MAP4K1: variants seen among roughly 807,000 people sequenced by gnomAD.
MAP4K1 encodes mitogen-activated protein kinase kinase kinase kinase 1, also known as MAPK/ERK kinase kinase kinase 1.
MAP4K1 carries 35 observed loss-of-function variants against 122.8 expected under a neutral mutation model. The ratio of observed to expected loss-of-function variants is 0.29; its 90% CI spans 0.22 to 0.38. The LOEUF (loss-of-function observed/expected upper bound fraction) is 0.38. MAP4K1 is among the 10% of genes least tolerant of loss of function. The pLI is 1.00. For missense variants in MAP4K1, 791 were observed against 1,072.6 expected (o/e 0.74, Z 3.67); for synonymous variants, 412 against 421.3 (o/e 0.98, Z 0.27).
At chr19:38,613,730 T>C in intron 8 of MAP4K1, 150 bp downstream of exon 8, 1 of 624,516 alleles carries the variant, frequency 1.6e-6, no homozygotes, top group East Asian at 2.8e-5. Context: ...AATGGAAAAC[T>C]CAAGCGACAC....
In MAP4K1 at chr19:38,605,693, C is replaced by T. The variant is rs1975307954; in HGVS notation, c.1238G>A (p.Ser413Asn). The T allele has an allele frequency of 1.9e-6, 3 of 1,607,280 alleles. No homozygotes were observed. The highest frequency in any genetic ancestry group is 1.1e-5 in the South Asian group (1 of 90,524). The change falls in exon 18 of 31, where the codon AGC becomes AAC. Residue 413 changes from serine to asparagine, a missense_variant. Ser to Asn is a conservative substitution (Grantham distance 46). Transcript: ENST00000396857. Reference protein sequence around the residue: ...FRSPSDEGPGSMGDDGQLSPG... With the variant: ...FRSPSDEGPGNMGDDGQLSPG... ...GCTCAGCTGCCCATCATCCCCCATG[C>T]TCCCAGGACCCTCGTCTGATGGAGA...
At chr19:38,616,289 TAGCA>T in intron 3 of MAP4K1, 30 bp from the exon 4 acceptor site, 1 of 1,546,042 alleles carries the variant, frequency 6.5e-7, no homozygotes, top group Non-Finnish European at 8.9e-7. Context: ...AGAATAATAA[TAGCA>T]GTAAATACAT....
intron 20 of MAP4K1, among the ~76,000 whole-genome samples, chr19:38,601,054 C>T (rs974871688): frequency 1.3e-5 from 2 of 152,124 alleles, no homozygotes; most frequent in Non-Finnish European, 2.9e-5. Context: ...GATCCGCCCG[C>T]CTCCGCCTCC....
At position 38,605,472 on chromosome 19, in the gene MAP4K1, T is replaced by G. The variant is rs771972479; in HGVS notation, c.1383A>C (p.Pro461=). 20 of 1,593,054 alleles carry G rather than the reference T, an allele frequency of 1.3e-5. No individual in the cohort carries two copies. Among genetic ancestry groups the G allele is most frequent in the Non-Finnish European group, 1.6e-5 (19 of 1,171,758 alleles). ...TAHSEPSLWN[P]PSRELDKPPL... ...GGGGCTTGTCAAGCTCCCGGGAGGG[T>G]GGGTTCCAGAGTGAGGGTTCTGAGA... is the stretch of plus-strand genomic sequence containing the variant. The change falls in exon 19 of 31, where the codon CCA becomes CCC. Residue 461 remains proline (P), a synonymous_variant. Coordinates refer to ENST00000396857, the MANE Select transcript of MAP4K1 (RefSeq NM_001042600.3).
intron 12 of MAP4K1, 106 bp downstream of exon 12, chr19:38,609,802 TC>T: frequency 1.5e-6 from 2 of 1,302,296 alleles, no homozygotes; most frequent in Non-Finnish European, 1.1e-6. Context: ...CCATCCTCCC[TC>T]CCTGTTTTCC....
At chr19:38,589,765 C>A (rs1974649714) in intron 30 of MAP4K1, among the ~76,000 whole-genome samples, 1 of 152,104 alleles carries the variant, frequency 6.6e-6, no homozygotes, top group Non-Finnish European at 1.5e-5. Flanking sequence ...TGCGGTGACC[C>A]CTGCCTATAA....
chr19:38,614,358 C>T (rs1178546776), intron 5 of MAP4K1, 32 bp downstream of exon 5: 1 of 1,613,638 alleles, frequency 6.2e-7, no homozygotes, highest in South Asian at 1.1e-5. Context: ...ACCCTCCCCT[C>T]CCATCCCCAG....
rs17847690 is a variant in MAP4K1 at position 38,616,339 on chromosome 19, C to T, written c.249-80G>A. The T allele has an allele frequency of 1.4e-3, 1,620 of 1,126,608 alleles. 20 individuals are homozygous for T. Among genetic ancestry groups the T allele is most frequent in the South Asian group, 0.014 (955 of 68,368 alleles). 69.8% of individuals were successfully genotyped at this position (1,126,608 alleles called of 1,614,324 possible). On this transcript the variant is annotated intron_variant, in intron 3 of 30. Coordinates refer to ENST00000396857, the MANE Select transcript of MAP4K1 (RefSeq NM_001042600.3). Reference sequence around the variant, plus strand: ...AGGAAAGCCCCTGGTTTGCTTCTGTCTTGTTCTAGTTCAATAAGAACTTTA... The same window carrying T: ...AGGAAAGCCCCTGGTTTGCTTCTGTTTTGTTCTAGTTCAATAAGAACTTTA...
chr19:38,602,166 C>T (rs1377404448), intron 19 of MAP4K1, among the ~76,000 whole-genome samples: 8 of 152,292 alleles, frequency 5.3e-5, no homozygotes, highest in Admixed American at 2.0e-4. Context: ...ACCTCCACCT[C>T]CTGGGCTCAA....
chr19:38,607,805 TTGTAGGAAGGTGGGGGC>T, intron 16 of MAP4K1, 42 bp downstream of exon 16: 1 of 1,564,060 alleles, frequency 6.4e-7, no homozygotes, highest in South Asian at 1.1e-5. Flanking sequence ...CATCAGGGGA[TTGTAGGAAGGTGGGGGC>T]TGAGGTGGGG....
chr19:38,607,756 G>T, intron 16 of MAP4K1, 108 bp downstream of exon 16: 1 of 1,226,398 alleles, frequency 8.2e-7, no homozygotes, highest in Non-Finnish European at 1.2e-6. Flanking sequence ...CTAGAAGAAA[G>T]GCAGGGGTGC....
In MAP4K1 at chr19:38,587,693, G is replaced by A; in HGVS notation, c.*55C>T. 2 of 1,310,100 alleles carry A rather than the reference G, an allele frequency of 1.5e-6. No homozygotes were observed. Among genetic ancestry groups the A allele is most frequent in the Non-Finnish European group, 2.2e-6 (2 of 903,910 alleles). The allele number at this position is 1,310,100 out of a possible 1,614,324, so 81.2% of individuals were successfully genotyped here. On this transcript the variant is annotated 3_prime_UTR_variant, in exon 31 of 31. Transcript: ENST00000396857. ...AGATGAGGACATGCCATGACCACTA[G>A]TGTGTCTATGGGGGAGGGGGTGCAA...
In MAP4K1 at chr19:38,605,499, G is replaced by C; in HGVS notation, c.1364-8C>G. On this transcript the variant is annotated splice_region_variant and splice_polypyrimidine_tract_variant and intron_variant, in intron 18 of 30. Transcript: ENST00000396857. ...GGTTCCAGAGTGAGGGTTCTGAGAG[G>C]GGTTAGGAGAAAATCAGCCCCCAAG... is the stretch of plus-strand genomic sequence containing the variant. 1 of 1,573,220 alleles carries C rather than the reference G, an allele frequency of 6.4e-7. No individual in the cohort carries two copies. Among genetic ancestry groups the C allele is most frequent in the Non-Finnish European group, 8.6e-7 (1 of 1,161,356 alleles).
chr19:38,613,841 C>A (rs773930867), intron 8 of MAP4K1, 39 bp downstream of exon 8: 1 of 1,530,042 alleles, frequency 6.5e-7, no homozygotes, highest in South Asian at 1.2e-5. Context: ...AACCACTGAC[C>A]CCCACTCCAC....
At chr19:38,590,417 A>T (rs1434999469) in intron 30 of MAP4K1, among the ~76,000 whole-genome samples, 1 of 98,596 alleles carries the variant, frequency 1.0e-5, no homozygotes, top group South Asian at 3.9e-4. Context: ...ATATATATAT[A>T]TATATATATA....
At chr19:38,601,808 C>T in intron 19 of MAP4K1, 1 of 387,052 alleles carries the variant, frequency 2.6e-6, no homozygotes, top group Non-Finnish European at 4.7e-6. Context: ...GACAGAGTCT[C>T]ACTCGGTTGC....
chr19:38,610,054 A>G, intron 11 of MAP4K1, 29 bp from the exon 12 acceptor site: 1 of 1,510,720 alleles, frequency 6.6e-7, no homozygotes, highest in Non-Finnish European at 9.2e-7. Context: ...GTCCGTATCC[A>G]GAGGGATGGT....
chr19:38,590,102 T>C (rs571030517), intron 30 of MAP4K1, among the ~76,000 whole-genome samples: 3 of 151,758 alleles, frequency 2.0e-5, no homozygotes, highest in African/African-American at 7.2e-5. Context: ...CTTAACCAAA[T>C]GACCGAAGTT....
intron 13 of MAP4K1, 145 bp downstream of exon 13, chr19:38,609,451 A>AC: frequency 1.4e-6 from 1 of 735,918 alleles, no homozygotes; most frequent in Non-Finnish European, 2.3e-6. Context: ...GTCATTTTGT[A>AC]GTTCAGGTGC....
Sources: gnomAD v4.1 joint callset for allele counts (sites outside exome capture counted in the v4.1 genomes callset) on GRCh38, gnomAD v4.1.1 for gene constraint, MANE v1.5 for transcripts, NCBI Gene and HGNC (gene_info 2026-07-23, HGNC 2026-07-21) for gene names.